LRRC31: variants seen among roughly 807,000 people sequenced by gnomAD.
LRRC31 encodes the protein leucine rich repeat containing 31.
LRRC31 carries 35 observed loss-of-function variants against 46.7 expected under a neutral mutation model. The ratio of observed to expected loss-of-function variants is 0.75; its 90% confidence interval spans 0.57 to 0.99. The LOEUF is 0.99. Among genes scored for constraint, LRRC31 ranks in the 50% least tolerant of loss-of-function variants. The pLI, the probability that LRRC31 is intolerant of heterozygous loss-of-function variation, is 0.00. For synonymous variants in LRRC31, 236 were observed against 235.1 expected (o/e 1.00, Z -0.03); for missense variants, 613 against 626.1 (o/e 0.98, Z 0.22).
intron 3 of LRRC31, among the ~76,000 whole-genome samples, chr3:169,859,947 A>C (rs1781095268): frequency 6.6e-6 from 1 of 151,998 alleles, no homozygotes; most frequent in Non-Finnish European, 1.5e-5. Context: ...GTTCGAGACC[A>C]GCCTGGCCAA....
Position 169,848,243 on chromosome 3 carries a change from A to G in LRRC31, c.1204T>C (p.Ser402Pro), listed in dbSNP as rs1229172030. Residue 402 changes from serine (S) to proline (P), a missense_variant, in exon 8 of 9, where the codon TCT becomes CCT. Transcript: ENST00000316428. ...HLSALEVFNLSWNKCVGGNLK... is the reference protein window; with the variant it reads ...HLSALEVFNLPWNKCVGGNLK... ...TTGCCACCAACACACTTGTTCCAAGAAAGGTTGAATACTTCCAGAGCAGAG... is the reference window on the plus strand; with the variant it reads ...TTGCCACCAACACACTTGTTCCAAGGAAGGTTGAATACTTCCAGAGCAGAG... The G allele has an allele frequency of 3.7e-6, 6 of 1,614,230 alleles. No homozygotes were observed. The highest frequency in any genetic ancestry group is 5.1e-6 in the Non-Finnish European group (6 of 1,180,044).
intron 5 of LRRC31, among the ~76,000 whole-genome samples, chr3:169,856,094 G>T (rs1324535151): frequency 3.3e-5 from 5 of 151,614 alleles, no homozygotes; most frequent in Non-Finnish European, 4.4e-5. Flanking sequence ...TGTTGGCCAG[G>T]CTGGTCTCAA....
chr3:169,842,053 AT>A (rs1560620767), intron 8 of LRRC31, among the ~76,000 whole-genome samples: 1 of 152,174 alleles, frequency 6.6e-6, no homozygotes, highest in Non-Finnish European at 1.5e-5. Flanking sequence ...TCAGAAAAAA[AT>A]AAAATAAAAT....
At chr3:169,848,056 C>A in intron 8 of LRRC31, 64 bp downstream of exon 8, 1 of 1,521,666 alleles carries the variant, frequency 6.6e-7, no homozygotes, top group Non-Finnish European at 8.9e-7. Flanking sequence ...CCACCTGGTG[C>A]TTTGCAGGGG....
intron 7 of LRRC31, among the ~76,000 whole-genome samples, chr3:169,849,454 A>T (rs980751543): frequency 4.0e-5 from 6 of 151,702 alleles, no homozygotes; most frequent in Admixed American, 2.0e-4. Context: ...AATTCCTTTA[A>T]AAAAAAAATA....
intron 1 of LRRC31, among the ~76,000 whole-genome samples, chr3:169,867,038 G>GTTTTTTTTTTTTTTTTT (rs1324128884): frequency 4.8e-5 from 6 of 126,312 alleles, no homozygotes; most frequent in African/African-American, 2.7e-4. Flanking sequence ...TTGGCCATGG[G>GTTTTTTTTTTTTTTTTT]TTTTTTTTGT....
intron 8 of LRRC31, among the ~76,000 whole-genome samples, chr3:169,843,497 G>A (rs1482788532): frequency 1.3e-5 from 2 of 152,112 alleles, no homozygotes; most frequent in Non-Finnish European, 1.5e-5. Flanking sequence ...ACTGTGAGCC[G>A]GGTGAGGGAT....
At chr3:169,847,115 C>A (rs946777906) in intron 8 of LRRC31, among the ~76,000 whole-genome samples, 5 of 152,060 alleles carry the variant, frequency 3.3e-5, no homozygotes, top group African/African-American at 1.2e-4. Context: ...TAGATGGGAG[C>A]CAGAGAGAGT....
chr3:169,868,655 T>C (rs1156705082), intron 1 of LRRC31, among the ~76,000 whole-genome samples: 1 of 152,188 alleles, frequency 6.6e-6, no homozygotes, highest in Non-Finnish European at 1.5e-5. Flanking sequence ...AAATGATCGT[T>C]TGTGTTATAA....
chr3:169,861,319 G>C (rs1477528220), intron 2 of LRRC31, among the ~76,000 whole-genome samples: 1 of 150,514 alleles, frequency 6.6e-6, no homozygotes, highest in Non-Finnish European at 1.5e-5. Flanking sequence ...CACCCGCCTC[G>C]GCCTCCCAAA....
chr3:169,839,986 T>C lies in LRRC31; in HGVS notation c.1655A>G (p.Gln552Arg), dbSNP rs990586435. Residue 552 changes from glutamine to arginine, a missense_variant, in exon 9 of 9, where the codon CAG becomes CGG. By Grantham distance (43) the Gln-to-Arg change is conservative. Coordinates refer to ENST00000316428, the MANE Select transcript of LRRC31 (RefSeq NM_024727.4). ...AGTAGGACATGGGAAATCAGTTTAC[T>C]GAAACCCACCATGGTCAAAGTGAAT... ...RSIHFDHGGF[Q>R] The C allele has an allele frequency of 6.2e-6, 10 of 1,607,998 alleles. No individual in the cohort carries two copies. Among genetic ancestry groups the C allele is most frequent in the African/African-American group, 1.3e-5 (1 of 74,606 alleles).
rs1169292041 is a variant in LRRC31 at position 169,855,114 on chromosome 3, G to A, written c.824-134C>T. ...GAGTCCAGCTTGGGCAGCATAGTGA[G>A]ATCCATCTCTTAAAAAAAGAAAAAC... On this transcript the variant is annotated intron_variant, in intron 5 of 8. Transcript: ENST00000316428. 7 of 639,604 alleles carry A rather than the reference G, an allele frequency of 1.1e-5. No individual in the cohort carries two copies. The East Asian group carries it at 1.9e-4, about 17-fold the overall frequency. 39.6% of individuals were successfully genotyped at this position (639,604 alleles called of 1,614,324 possible).
chr3:169,849,031 C>T (rs1320708518), intron 7 of LRRC31, among the ~76,000 whole-genome samples: 1 of 152,192 alleles, frequency 6.6e-6, no homozygotes, highest in Non-Finnish European at 1.5e-5. Context: ...GCAATTACTG[C>T]AGGCAAGGAA....
At chr3:169,850,444 G>A (rs1020571148) in intron 7 of LRRC31, among the ~76,000 whole-genome samples, 1 of 152,166 alleles carries the variant, frequency 6.6e-6, no homozygotes, top group Admixed American at 6.5e-5. Flanking sequence ...CAGCCCTGCT[G>A]TTCTAGGGCC....
At chr3:169,857,345 T>TATATATATATATACAC (rs1491209579) in intron 3 of LRRC31, among the ~76,000 whole-genome samples, 207 of 89,330 alleles carry the variant, frequency 2.3e-3, no homozygotes, top group East Asian at 4.1e-3. Context: ...TATATATATA[T>TATATATATATATACAC]ACACACACAC....
At chr3:169,865,751 G>A (rs2108230285) in intron 1 of LRRC31, among the ~76,000 whole-genome samples, 1 of 152,286 alleles carries the variant, frequency 6.6e-6, no homozygotes, top group African/African-American at 2.4e-5. Flanking sequence ...GGTCGGGGAG[G>A]AGGGTCTTGG....
At chr3:169,855,622 T>C (rs896691618) in intron 5 of LRRC31, among the ~76,000 whole-genome samples, 11 of 152,222 alleles carry the variant, frequency 7.2e-5, no homozygotes, top group African/African-American at 2.7e-4. Context: ...TCTGTTAATA[T>C]GGATACTATA....
At chr3:169,845,136 A>C (rs538090062) in intron 8 of LRRC31, among the ~76,000 whole-genome samples, 10 of 152,304 alleles carry the variant, frequency 6.6e-5, no homozygotes, top group African/African-American at 2.4e-4. Context: ...ATCTTTTATA[A>C]GAGAACAAAA....
chr3:169,866,822 C>A (rs181677111), intron 1 of LRRC31, among the ~76,000 whole-genome samples: 7 of 152,072 alleles, frequency 4.6e-5, no homozygotes, highest in Non-Finnish European at 1.0e-4. Flanking sequence ...ATTAGCTGGG[C>A]ATGGTGGCGG....
Sources: gnomAD v4.1 joint callset for allele counts (sites outside exome capture counted in the v4.1 genomes callset) on GRCh38, gnomAD v4.1.1 for gene constraint, MANE v1.5 for transcripts, NCBI Gene and HGNC (gene_info 2026-07-23, HGNC 2026-07-21) for gene names.